The following FREM2 variants were observed in gnomAD, a reference collection of about 807,000 sequenced individuals.
FREM2 encodes FRAS1-related extracellular matrix protein 2.
Under a neutral mutation model 219.9 loss-of-function variants are expected in FREM2, and 119 were observed. The observed-to-expected ratio is 0.54, with a 90% confidence interval of 0.47 to 0.63. The LOEUF is 0.63. FREM2 is among the 30% of genes least tolerant of loss of function. The probability of loss-of-function intolerance (pLI) is 0.00; values close to 1 mark genes in which losing one functional copy is unlikely to be tolerated. For missense variants in FREM2, 4,030 were observed against 3,993.6 expected, an observed-to-expected ratio of 1.01 and a Z score of -0.25; for synonymous variants, 1,562 against 1,522.8, an observed-to-expected ratio of 1.03 and a Z score of -0.60.
intron 6 of FREM2, among the ~76,000 whole-genome samples, chr13:38,805,151 A>C (rs927766948): frequency 6.6e-6 from 1 of 150,618 alleles, no homozygotes; most frequent in South Asian, 2.1e-4. Context: ...TTTGATAGGA[A>C]GCACCTGGAT....
At chr13:38,772,601 C>T (rs941647293) in intron 4 of FREM2, among the ~76,000 whole-genome samples, 4 of 152,058 alleles carry the variant, frequency 2.6e-5, no homozygotes, top group African/African-American at 9.7e-5. Context: ...AGGCATTTTA[C>T]TTGATGTTTA....
chr13:38,850,607 G>A (rs1390319671), intron 9 of FREM2, among the ~76,000 whole-genome samples: 2 of 152,104 alleles, frequency 1.3e-5, no homozygotes, highest in Non-Finnish European at 2.9e-5. Context: ...GATCAACCAG[G>A]GCAAGGCTGC....
chr13:38,875,984 C>A (rs771758086), intron 18 of FREM2, 38 bp from the exon 19 acceptor site: 5 of 1,571,186 alleles, frequency 3.2e-6, no homozygotes, highest in Non-Finnish European at 3.5e-6. Flanking sequence ...TTTAATTGAA[C>A]CACTATATCA....
intron 11 of FREM2, among the ~76,000 whole-genome samples, chr13:38,852,737 C>A (rs575177167): frequency 6.8e-6 from 1 of 146,964 alleles, no homozygotes; most frequent in Non-Finnish European, 1.5e-5. Context: ...CAGAGTCTCA[C>A]GCTGTTGGCC....
intron 2 of FREM2, among the ~76,000 whole-genome samples, chr13:38,763,388 T>C (rs1020061502): frequency 6.6e-6 from 1 of 152,088 alleles, no homozygotes; most frequent in Admixed American, 6.5e-5. Flanking sequence ...TCCTCTTTCA[T>C]TTCTTTTTCT....
intron 2 of FREM2, among the ~76,000 whole-genome samples, chr13:38,736,563 G>T (rs1163951174): frequency 6.6e-6 from 1 of 152,032 alleles, no homozygotes; most frequent in African/African-American, 2.4e-5. Context: ...ATTTAATATG[G>T]CATTTTCTTT....
intron 2 of FREM2, among the ~76,000 whole-genome samples, chr13:38,739,987 C>T (rs76125575): frequency 0.018 from 2,719 of 152,238 alleles, 30 homozygotes; most frequent in Middle Eastern, 0.027. Context: ...AATAATTATC[C>T]TTCAGTTTAG....
At chr13:38,835,982 G>A (rs1015688244) in intron 6 of FREM2, among the ~76,000 whole-genome samples, 1 of 152,152 alleles carries the variant, frequency 6.6e-6, no homozygotes, top group Admixed American at 6.6e-5. Flanking sequence ...ATACTATGTT[G>A]TATAGGAGTG....
chr13:38,806,312 A>G (rs1875225171), intron 6 of FREM2, among the ~76,000 whole-genome samples: 1 of 151,966 alleles, frequency 6.6e-6, no homozygotes, highest in Non-Finnish European at 1.5e-5. Context: ...TGCGCAGTGC[A>G]CAGATTAAAA....
intron 18 of FREM2, among the ~76,000 whole-genome samples, chr13:38,875,404 A>G (rs1878308440): frequency 6.6e-6 from 1 of 152,168 alleles, no homozygotes; most frequent in Admixed American, 6.5e-5. Context: ...TTGTATTTTT[A>G]TGGAACTGAG....
At chr13:38,757,885 G>T (rs542144209) in intron 2 of FREM2, among the ~76,000 whole-genome samples, 2 of 152,198 alleles carry the variant, frequency 1.3e-5, no homozygotes, top group East Asian at 3.9e-4. Context: ...ACCACACCCG[G>T]TCCCATTCCT....
chr13:38,707,302 A>G (rs1312798248), intron 2 of FREM2, among the ~76,000 whole-genome samples: 1 of 152,228 alleles, frequency 6.6e-6, no homozygotes, highest in Non-Finnish European at 1.5e-5. Context: ...TTTGCAGAGT[A>G]TTAGTATTCT....
intron 16 of FREM2, among the ~76,000 whole-genome samples, chr13:38,867,969 T>C (rs1878030786): frequency 6.6e-6 from 1 of 152,176 alleles, no homozygotes; most frequent in South Asian, 2.1e-4. Flanking sequence ...CCAGAAATAA[T>C]GCTTTACCCA....
At chr13:38,704,690 G>A (rs573264330) in intron 2 of FREM2, among the ~76,000 whole-genome samples, 124 of 152,294 alleles carry the variant, frequency 8.1e-4, no homozygotes, top group African/African-American at 2.8e-3. Flanking sequence ...GTATCCACCT[G>A]TATTAGTCAG....
chr13:38,803,287 A>G (rs536652957), intron 6 of FREM2, among the ~76,000 whole-genome samples: 86 of 152,112 alleles, frequency 5.7e-4, no homozygotes, highest in Non-Finnish European at 1.1e-3. Context: ...CTTAGTTGCA[A>G]TGTCTGAGAA....
In FREM2 at chr13:38,688,334, G is replaced by A. The variant is rs1237005329; in HGVS notation, c.990G>A (p.Val330=). The A allele has an allele frequency of 6.2e-7, 1 of 1,614,188 alleles. No homozygotes were observed. The highest frequency in any genetic ancestry group is 1.3e-5 in the African/African-American group (1 of 75,040). The change falls in exon 1 of 24, where the codon GTG becomes GTA. Residue 330 remains valine (V), a synonymous_variant. Transcript: ENST00000280481. ...PSFVAMMMME[V]DQFVLTALTP... is the part of the protein sequence containing the mutation. ...TCGTGGCCATGATGATGATGGAGGT[G>A]GACCAGTTTGTACTGACGGCCCTGA...
Position 38,692,027 on chromosome 13 carries a change from A to G in FREM2, c.4683A>G (p.Arg1561=). 5 of 1,614,224 alleles carry G rather than the reference A, an allele frequency of 3.1e-6. No individual in the cohort carries two copies. Among genetic ancestry groups the G allele is most frequent in the Non-Finnish European group, 4.2e-6 (5 of 1,180,032 alleles). ...ITPFELTVED[R]DTPDKLLKFT... ...CTTTTGAGCTCACTGTCGAAGACAG[A>G]GATACTCCTGACAAGCTCCTGAAAT... The change falls in exon 1 of 24, where the codon AGA becomes AGG. Residue 1561 remains arginine, a synonymous_variant. Transcript: ENST00000280481.
intron 6 of FREM2, chr13:38,822,208 C>T (rs1256663981): frequency 6.6e-6 from 1 of 152,018 alleles, no homozygotes; most frequent in Non-Finnish European, 1.5e-5. Context: ...TCTTTTTACA[C>T]CTTATAGAGC....
At position 38,881,046 on chromosome 13, in the gene FREM2, T is replaced by A. The variant is rs952773981; in HGVS notation, c.*259T>A. 1 of 541,306 alleles carries A rather than the reference T, an allele frequency of 1.8e-6. No individual in the cohort carries two copies. The highest frequency in any genetic ancestry group is 3.3e-6 in the Non-Finnish European group (1 of 299,710). The allele number at this position is 541,306 out of a possible 1,614,324, so 33.5% of individuals were successfully genotyped here. A position where few individuals can be genotyped will look rare whatever the true frequency, so the allele number is the denominator to read the frequency against. ...GTACACAGAGCCATGATGTGAGGAA[T>A]GTACTCCTCATTTTAGACATATTCT... On this transcript the variant is annotated 3_prime_UTR_variant, in exon 24 of 24. Coordinates refer to ENST00000280481, the MANE Select transcript of FREM2 (RefSeq NM_207361.6).
Sources: gnomAD v4.1 joint callset for allele counts (sites outside exome capture counted in the v4.1 genomes callset) on GRCh38, gnomAD v4.1.1 for gene constraint, MANE v1.5 for transcripts, NCBI Gene and HGNC (gene_info 2026-07-23, HGNC 2026-07-21) for gene names.